The following ARHGAP18 variants were observed in gnomAD, a reference collection of about 807,000 sequenced individuals.
The protein encoded by ARHGAP18 is rho GTPase-activating protein 18.
In ARHGAP18, 67 loss-of-function variants were observed where a neutral mutation model predicts 86.2. That is an observed-to-expected ratio of 0.78 (90% CI 0.64 to 0.95). ARHGAP18 has a LOEUF of 0.95. ARHGAP18 is among the 40% of genes least tolerant of loss of function. ARHGAP18 has a pLI of 0.00. For synonymous variants in ARHGAP18, 283 were observed against 280.4 expected (o/e 1.01, Z -0.09); for missense variants, 691 against 780.4 (o/e 0.89, Z 1.37).
chr6:129,682,370 G>A (rs552441953), intron 1 of ARHGAP18, among the ~76,000 whole-genome samples: 10 of 152,216 alleles, frequency 6.6e-5, no homozygotes, highest in South Asian at 4.1e-4. Flanking sequence ...TCATTTCCCC[G>A]TGTTCTGAGG....
At chr6:129,696,813 A>C (rs1774624619) in intron 1 of ARHGAP18, among the ~76,000 whole-genome samples, 1 of 152,236 alleles carries the variant, frequency 6.6e-6, no homozygotes, top group African/African-American at 2.4e-5. Flanking sequence ...GAAGCAAGCA[A>C]GAAGATCAGG....
intron 4 of ARHGAP18, among the ~76,000 whole-genome samples, chr6:129,632,614 C>T (rs1773242067): frequency 6.6e-6 from 1 of 152,140 alleles, no homozygotes; most frequent in African/African-American, 2.4e-5. Context: ...AGCTTGCTTG[C>T]CACTTCAGCA....
In ARHGAP18 at chr6:129,638,445, CTGGTACTGTT is replaced by C; in HGVS notation, c.491_500del (p.Lys164ArgfsTer51). ...CAAATATGTCTCTGACGTCAGGAAT[CTGGTACTGTT>C]TGTTTTTTTTCCTCAAGGTCTGGGA... On this transcript the variant is annotated frameshift_variant, in exon 3 of 15. Transcript: ENST00000368149. LOFTEE classifies it high-confidence loss of function. The C allele has an allele frequency of 6.2e-7, 1 of 1,614,170 alleles. No individual in the cohort carries two copies. Among genetic ancestry groups the C allele is most frequent in the South Asian group, 1.1e-5 (1 of 91,082 alleles).
At chr6:129,658,390 TTAAAA>T (rs1223033935) in intron 1 of ARHGAP18, among the ~76,000 whole-genome samples, 3 of 148,760 alleles carry the variant, frequency 2.0e-5, no homozygotes, top group Middle Eastern at 3.4e-3. Context: ...TACAAAAAAA[TTAAAA>T]TAAAATTGCC....
chr6:129,603,532 G>T (rs1788792198), intron 10 of ARHGAP18, among the ~76,000 whole-genome samples: 1 of 151,986 alleles, frequency 6.6e-6, no homozygotes, highest in Admixed American at 6.6e-5. Context: ...TTAGTAGCTG[G>T]GTATGATGTT....
chr6:129,606,676 A>C (rs936737445), intron 9 of ARHGAP18, among the ~76,000 whole-genome samples: 1 of 152,206 alleles, frequency 6.6e-6, no homozygotes, highest in African/African-American at 2.4e-5. Context: ...AAGGTAATTT[A>C]TTCTATTTAA....
At chr6:129,601,485 AAGAGAAG>A (rs1455729781) in intron 10 of ARHGAP18, among the ~76,000 whole-genome samples, 1 of 150,744 alleles carries the variant, frequency 6.6e-6, no homozygotes, top group Non-Finnish European at 1.5e-5. Context: ...AAGAGAAGAG[AAGAGAAG>A]AGAGAAAAGA....
chr6:129,638,148 G>T (rs1562704659), intron 3 of ARHGAP18, among the ~76,000 whole-genome samples: 1 of 152,128 alleles, frequency 6.6e-6, no homozygotes, highest in Non-Finnish European at 1.5e-5. Flanking sequence ...ATGCTCCAAG[G>T]ACACCCTCTT....
intron 1 of ARHGAP18, among the ~76,000 whole-genome samples, chr6:129,702,414 C>T (rs766301723): frequency 2.6e-5 from 4 of 151,958 alleles, no homozygotes; most frequent in African/African-American, 7.3e-5. Context: ...CCTTTTTTAT[C>T]GAAAGAAAAT....
chr6:129,634,780 T>C (rs1773296547), intron 3 of ARHGAP18, among the ~76,000 whole-genome samples: 1 of 152,120 alleles, frequency 6.6e-6, no homozygotes, highest in Non-Finnish European at 1.5e-5. Context: ...AAACACTGAA[T>C]TGTGCACTTT....
intron 12 of ARHGAP18, among the ~76,000 whole-genome samples, chr6:129,594,167 T>G (rs894557113): frequency 1.3e-5 from 2 of 152,134 alleles, no homozygotes; most frequent in African/African-American, 4.8e-5. Flanking sequence ...TCTCTTTCAC[T>G]CTCCAATCCC....
At chr6:129,703,412 G>C (rs1437865398) in intron 1 of ARHGAP18, among the ~76,000 whole-genome samples, 1 of 152,202 alleles carries the variant, frequency 6.6e-6, no homozygotes, top group Non-Finnish European at 1.5e-5. Context: ...ACTTAGAAGA[G>C]ACAAGGCAGC....
chr6:129,700,989 A>G (rs77673282), intron 1 of ARHGAP18, among the ~76,000 whole-genome samples: 2,684 of 140,384 alleles, frequency 0.019, 79 homozygotes, highest in East Asian at 0.1. Flanking sequence ...ATAAAGGAAC[A>G]CCCCTCCCTT....
At chr6:129,625,466 ATATATATTTTATATTATATATTATATAT>A (rs1789384852) in intron 5 of ARHGAP18, among the ~76,000 whole-genome samples, 1 of 34,880 alleles carries the variant, frequency 2.9e-5, no homozygotes, top group Non-Finnish European at 4.8e-5. Context: ...ATTATATATA[ATATATATTTTATATTATATATTATATAT>A]AATATATATT....
intron 1 of ARHGAP18, among the ~76,000 whole-genome samples, chr6:129,653,968 A>C (rs1773774290): frequency 6.6e-6 from 1 of 152,186 alleles, no homozygotes; most frequent in Non-Finnish European, 1.5e-5. Context: ...CCTTGAGCCC[A>C]GAACTTCAAG....
chr6:129,625,507 A>G (rs1274986119), intron 5 of ARHGAP18, among the ~76,000 whole-genome samples: 12 of 63,112 alleles, frequency 1.9e-4, no homozygotes, highest in African/African-American at 7.3e-4. Flanking sequence ...TATATATTTT[A>G]TATATCATAT....
In ARHGAP18 at chr6:129,600,665, TAATC is replaced by T. The variant is rs748022405; in HGVS notation, c.1545_1548del (p.Ile516SerfsTer14). 8 of 1,613,488 alleles carry T rather than the reference TAATC, an allele frequency of 5.0e-6. No individual in the cohort carries two copies. The highest frequency in any genetic ancestry group is 3.3e-5 in the Admixed American group (2 of 59,922). ...ACTGTCCACAGAAGTTTTTGGTACTTAATCAATAAGTGCATGGTATTTGCTGTCC... is the reference window on the plus strand; with the variant it reads ...ACTGTCCACAGAAGTTTTTGGTACTTAATAAGTGCATGGTATTTGCTGTCC... On this transcript the variant is annotated frameshift_variant, in exon 11 of 15. Coordinates refer to ENST00000368149, the MANE Select transcript of ARHGAP18 (RefSeq NM_033515.3). LOFTEE classifies it high-confidence loss of function.
chr6:129,620,796 G>T (rs1231213043), intron 5 of ARHGAP18, among the ~76,000 whole-genome samples: 2 of 152,118 alleles, frequency 1.3e-5, no homozygotes, highest in Non-Finnish European at 2.9e-5. Flanking sequence ...ACCATTGGGG[G>T]TATCCAATAT....
Position 129,584,107 on chromosome 6 carries a change from G to A in ARHGAP18, c.1719C>T (p.Asp573=), listed in dbSNP as rs368480640. Reference sequence around the variant, plus strand: ...GCACTCGAATCACTCCCTGAGGAACGTCAGCCTGCAAAGCAATAATGACAC... The same window carrying A: ...GCACTCGAATCACTCCCTGAGGAACATCAGCCTGCAAAGCAATAATGACAC... The part of the protein sequence containing the change: ...EKQDKSTNDA[D]VPQGVIRVQA... Residue 573 remains aspartate, a synonymous_variant, in exon 13 of 15, where the codon GAC becomes GAT. Coordinates refer to ENST00000368149, the MANE Select transcript of ARHGAP18 (RefSeq NM_033515.3). 185 of 1,613,334 alleles carry A rather than the reference G, an allele frequency of 1.1e-4. No individual in the cohort carries two copies. The highest frequency in any genetic ancestry group is 1.6e-4 in the Middle Eastern group (1 of 6,074).
Sources: gnomAD v4.1 joint callset for allele counts (sites outside exome capture counted in the v4.1 genomes callset) on GRCh38, gnomAD v4.1.1 for gene constraint, MANE v1.5 for transcripts, NCBI Gene and HGNC (gene_info 2026-07-23, HGNC 2026-07-21) for gene names.